Variants in DRG2 observed in about 807,000 individuals in gnomAD.
DRG2 encodes the protein developmentally regulated GTP binding protein 2.
A neutral mutation model predicts 53.4 loss-of-function variants in DRG2; 36 were observed. The ratio of observed to expected loss-of-function variants is 0.67; its 90% CI spans 0.52 to 0.89. The LOEUF is 0.89. Ranked by LOEUF, DRG2 falls within the 40% of genes least tolerant of loss-of-function variation. The probability of loss-of-function intolerance (pLI) is 0.00; values close to 1 mark genes in which losing one functional copy is unlikely to be tolerated. For synonymous variants in DRG2, 167 were observed against 192.1 expected, an observed-to-expected ratio of 0.87 and a Z score of 1.08; for missense variants, 342 against 481.2, an observed-to-expected ratio of 0.71 and a Z score of 2.71.
intron 2 of DRG2, chr17:18,094,422 G>A (rs145654716): frequency 0.01 from 1,630 of 155,818 alleles, 51 homozygotes; most frequent in Admixed American, 0.066. Flanking sequence ...GACAGGTCCC[G>A]GCAGGTTTCT....
At position 18,099,214 on chromosome 17, in the gene DRG2, C is replaced by A; in HGVS notation, c.376+137C>A. ...TTTCCAGAAAAGACAGGTTCCAGTT[C>A]AAATCCTTGGCACCAAACTAGCCTT... is the stretch of plus-strand genomic sequence containing the variant. On this transcript the variant is annotated intron_variant, in intron 4 of 12. Coordinates refer to ENST00000225729, the MANE Select transcript of DRG2 (RefSeq NM_001388.5). The surrounding 1 kb of genome is among the most constrained non-coding windows in gnomAD (Gnocchi z 4.4). 1 of 1,175,524 alleles carries A rather than the reference C, an allele frequency of 8.5e-7. No homozygotes were observed. Among genetic ancestry groups the A allele is most frequent in the South Asian group, 1.4e-5 (1 of 69,642 alleles). The allele number at this position is 1,175,524 out of a possible 1,614,324, so 72.8% of individuals were successfully genotyped here.
Position 18,099,130 on chromosome 17 carries a change from G to A in DRG2, c.376+53G>A, listed in dbSNP as rs756028318. The A allele has an allele frequency of 9.9e-6, 16 of 1,610,076 alleles. No individual in the cohort carries two copies. The highest frequency in any genetic ancestry group is 4.0e-5 in the African/African-American group (3 of 74,854). On this transcript the variant is annotated intron_variant, in intron 4 of 12. Coordinates refer to ENST00000225729, the MANE Select transcript of DRG2 (RefSeq NM_001388.5). This position sits in a 1 kb window ranked among gnomAD's most constrained non-coding sequence, Gnocchi z 4.4. ...GCAGACTGGAGCTCTGTTACTGATC[G>A]TTGAAATTGGGTGTGGCTGTCATGG... is the stretch of plus-strand genomic sequence containing the variant.
In DRG2 at chr17:18,099,541, AG is replaced by A; in HGVS notation, c.377-90del. ...GCTAGTATGTGGCAGAGGCTGTGGT[AG>A]GTCTGTAAAGGACAGGAGTCCAGGG... On this transcript the variant is annotated intron_variant, in intron 4 of 12. Transcript: ENST00000225729. The surrounding 1 kb of genome is among the most constrained non-coding windows in gnomAD (Gnocchi z 4.4). The A allele has an allele frequency of 1.6e-6, 2 of 1,261,586 alleles. No homozygotes were observed. The highest frequency in any genetic ancestry group is 2.3e-6 in the Non-Finnish European group (2 of 882,866). 78.1% of individuals were successfully genotyped at this position (1,261,586 alleles called of 1,614,324 possible). A position where few individuals can be genotyped will look rare whatever the true frequency, so the allele number is the denominator to read the frequency against.
chr17:18,098,953 CCAGA>C lies in DRG2; in HGVS notation c.316-60_316-57del. On this transcript the variant is annotated intron_variant, in intron 3 of 12. Coordinates refer to ENST00000225729, the MANE Select transcript of DRG2 (RefSeq NM_001388.5). This position sits in a 1 kb window ranked among gnomAD's most constrained non-coding sequence, Gnocchi z 4.1. ...CGGGGCCATTCCAGATGTCCCAGAT[CCAGA>C]CAGGACCTTTCCAGTGGAGGCCCAG... 1.9e-6 allele frequency: 3 copies of C among 1,585,814 alleles called. No homozygotes were observed. Among genetic ancestry groups the C allele is most frequent in the Non-Finnish European group, 2.6e-6 (3 of 1,156,938 alleles).
At chr17:18,104,377 C>T (rs916653152) in intron 10 of DRG2, among the ~76,000 whole-genome samples, 1 of 152,348 alleles carries the variant, frequency 6.6e-6, no homozygotes, top group South Asian at 2.1e-4. Context: ...AGTGCTGTCA[C>T]AGCAGATGGG....
At chr17:18,090,389 TATATATA>T (rs2045303132) in intron 1 of DRG2, among the ~76,000 whole-genome samples, 1 of 12,702 alleles carries the variant, frequency 7.9e-5, no homozygotes, top group East Asian at 2.6e-3. Flanking sequence ...TATATATATA[TATATATA>T]TATATATATA....
intron 1 of DRG2, among the ~76,000 whole-genome samples, chr17:18,090,651 C>T (rs184498529): frequency 8.6e-4 from 131 of 151,734 alleles, no homozygotes; most frequent in Non-Finnish European, 1.2e-4. Flanking sequence ...CCGCCCACCT[C>T]GGCTTCCCAA....
chr17:18,096,053 C>T (rs780536119), intron 2 of DRG2: 1 of 152,146 alleles, frequency 6.6e-6, no homozygotes, highest in Non-Finnish European at 1.5e-5. Flanking sequence ...ATGTTTTTCT[C>T]GTGGTTAATC....
chr17:18,100,137 G>T lies in DRG2; in HGVS notation c.468-226G>T. The T allele has an allele frequency of 1.7e-6, 1 of 602,924 alleles. No individual in the cohort carries two copies. Among genetic ancestry groups the T allele is most frequent in the East Asian group, 2.8e-5 (1 of 35,956 alleles). 37.3% of individuals were successfully genotyped at this position (602,924 alleles called of 1,614,324 possible). A position where few individuals can be genotyped will look rare whatever the true frequency, so the allele number is the denominator to read the frequency against. ...CTCGCGGGGGCTCCACCACTTGCCT[G>T]TGCATGCCGACCGTAAACCGGGCCA... On this transcript the variant is annotated intron_variant, in intron 5 of 12. Transcript: ENST00000225729. The surrounding 1 kb of genome is among the most constrained non-coding windows in gnomAD (Gnocchi z 4.1).
At chr17:18,088,218 G>T in intron 1 of DRG2, 131 bp downstream of exon 1, 1 of 1,186,330 alleles carries the variant, frequency 8.4e-7, no homozygotes, top group Non-Finnish European at 1.2e-6. Context: ...GACAAGTGCC[G>T]AGGCCGCCCT....
Position 18,100,675 on chromosome 17 carries a change from A to G in DRG2, c.631+16A>G, listed in dbSNP as rs753415811. 6 of 1,608,328 alleles carry G rather than the reference A, an allele frequency of 3.7e-6. No homozygotes were observed. The highest frequency in any genetic ancestry group is 2.7e-5 in the African/African-American group (2 of 74,784). ...CACGAATACAGTATCCTTCCCTGAA[A>G]GACACGTGAAGGAGGGCAGCCACCA... is the stretch of plus-strand genomic sequence containing the variant. On this transcript the variant is annotated intron_variant, in intron 7 of 12. Coordinates refer to ENST00000225729, the MANE Select transcript of DRG2 (RefSeq NM_001388.5). The surrounding 1 kb of genome is among the most constrained non-coding windows in gnomAD (Gnocchi z 4.1).
Position 18,098,059 on chromosome 17 carries a change from A to T in DRG2, c.226-211A>T. 2.0e-6 allele frequency: 1 copy of T among 495,430 alleles called. No individual in the cohort carries two copies. The highest frequency in any genetic ancestry group is 3.7e-6 in the Non-Finnish European group (1 of 268,538). The allele number at this position is 495,430 out of a possible 1,614,324, so 30.7% of individuals were successfully genotyped here. ...TGAGACAGTCCTGAGGCCTCCAAGG[A>T]ACAGATGGGCCTCTGGTGTCTGACC... On this transcript the variant is annotated intron_variant, in intron 2 of 12. Transcript: ENST00000225729. This position sits in a 1 kb window ranked among gnomAD's most constrained non-coding sequence, Gnocchi z 4.1.
intron 9 of DRG2, among the ~76,000 whole-genome samples, chr17:18,102,632 A>G (rs2142202482): frequency 6.6e-6 from 1 of 151,902 alleles, no homozygotes; most frequent in South Asian, 2.1e-4. Flanking sequence ...AAAAAAAAAA[A>G]AAAAAAAAAG....
At chr17:18,094,230 C>G (rs371776956) in intron 2 of DRG2, 1 of 448,940 alleles carries the variant, frequency 2.2e-6, no homozygotes, top group East Asian at 3.9e-5. Context: ...GTATCTCTAG[C>G]GGTGTCATGT....
At chr17:18,091,644 G>A (rs1323136512) in intron 1 of DRG2, among the ~76,000 whole-genome samples, 3 of 151,818 alleles carry the variant, frequency 2.0e-5, no homozygotes, top group Non-Finnish European at 4.4e-5. Flanking sequence ...ATCACCTGAC[G>A]TCGAGAGTTC....
intron 2 of DRG2, among the ~76,000 whole-genome samples, chr17:18,095,261 C>A (rs1395021664): frequency 6.6e-6 from 1 of 151,930 alleles, no homozygotes; most frequent in Non-Finnish European, 1.5e-5. Context: ...ATCCGCCCAC[C>A]TTGGCCTCCC....
chr17:18,102,803 C>T (rs1377101562), intron 9 of DRG2, among the ~76,000 whole-genome samples: 1 of 152,120 alleles, frequency 6.6e-6, no homozygotes, highest in African/African-American at 2.4e-5. Context: ...TTCCTGCCCT[C>T]CTTTGCAGGG....
chr17:18,087,961 C>G lies in DRG2; in HGVS notation c.-63C>G. On this transcript the variant is annotated 5_prime_UTR_variant, in exon 1 of 13. Transcript: ENST00000225729. ...CGGGCGCACGCTACTCTGTCGCCGC[C>G]GTCAGACCGGAATTGCCGGTGCCGC... is the stretch of plus-strand genomic sequence containing the variant. 1 of 1,527,262 alleles carries G rather than the reference C, an allele frequency of 6.5e-7. No individual in the cohort carries two copies. Among genetic ancestry groups the G allele is most frequent in the Non-Finnish European group, 8.8e-7 (1 of 1,133,550 alleles). The allele number at this position is 1,527,262 out of a possible 1,614,324, so 94.6% of individuals were successfully genotyped here.
Position 18,107,186 on chromosome 17 carries a change from G to A in DRG2, c.1041G>A (p.Val347=), listed in dbSNP as rs777797346. ...GCACCAAGTACAGTCCGCAGCGGGT[G>A]GGCCTGACCCACACCATGGAGCATG... ...GTSTKYSPQR[V]GLTHTMEHED... The change falls in exon 13 of 13, where the codon GTG becomes GTA. Residue 347 remains valine (V), a synonymous_variant. Coordinates refer to ENST00000225729, the MANE Select transcript of DRG2 (RefSeq NM_001388.5). The A allele has an allele frequency of 5.6e-6, 9 of 1,613,334 alleles. No individual in the cohort carries two copies. The highest frequency in any genetic ancestry group is 5.0e-5 in the Admixed American group (3 of 60,010).
Sources: gnomAD v4.1 joint callset for allele counts (sites outside exome capture counted in the v4.1 genomes callset) on GRCh38, gnomAD v4.1.1 for gene constraint, Gnocchi (gnomAD v3.1) non-coding constraint, MANE v1.5 for transcripts, NCBI Gene and HGNC (gene_info 2026-07-23, HGNC 2026-07-21) for gene names.